Variants in ZNF674 observed in about 807,000 individuals in gnomAD.
The protein encoded by ZNF674 is zinc finger protein 674.
Under a neutral mutation model 7.0 loss-of-function variants are expected in ZNF674, and 2 were observed. The observed-to-expected ratio is 0.29, with a 90% CI of 0.12 to 0.90. The LOEUF (loss-of-function observed/expected upper bound fraction) is 0.90. ZNF674 is among the 40% of genes least tolerant of loss of function. ZNF674 has a pLI of 0.57. For missense variants in ZNF674, 297 were observed against 415.5 expected (o/e 0.71, Z 2.48); for synonymous variants, 103 against 145.2 (o/e 0.71, Z 2.09).
At chrX:46,536,959 G>C (rs917575051) in intron 3 of ZNF674, among the ~76,000 whole-genome samples, 1 of 111,364 alleles carries the variant, frequency 9.0e-6, no homozygotes, top group Non-Finnish European at 1.9e-5. Flanking sequence ...CTATACTCTG[G>C]AACTGTCATG....
intron 5 of ZNF674, among the ~76,000 whole-genome samples, chrX:46,511,265 C>T (rs779941770): frequency 2.7e-5 from 3 of 111,088 alleles, no homozygotes; most frequent in Non-Finnish European, 3.8e-5. Context: ...CATAGAAGAC[C>T]GAAGAGAATT....
intron 2 of ZNF674, among the ~76,000 whole-genome samples, chrX:46,543,704 A>T (rs1225140514): frequency 1.8e-5 from 2 of 112,321 alleles, no homozygotes; most frequent in African/African-American, 6.5e-5. Context: ...AGAAAGTTCC[A>T]GCAAGGAGAT....
At chrX:46,544,154 T>C (rs1253564795) in intron 2 of ZNF674, among the ~76,000 whole-genome samples, 1 of 112,873 alleles carries the variant, frequency 8.9e-6, no homozygotes, top group African/African-American at 3.2e-5. Context: ...CATGCCTCCA[T>C]CCACCTGTGA....
At chrX:46,514,678 G>A (rs1941728787) in intron 5 of ZNF674, among the ~76,000 whole-genome samples, 1 of 112,273 alleles carries the variant, frequency 8.9e-6, no homozygotes, top group Admixed American at 9.5e-5. Flanking sequence ...GAGGGCATCA[G>A]TATTAGATTA....
intron 5 of ZNF674, chrX:46,517,837 A>G (rs753377701): frequency 9.0e-6 from 1 of 111,684 alleles, no homozygotes; most frequent in South Asian, 3.7e-4. Context: ...TGTAAGGATG[A>G]CGTGCAAATT....
Position 46,499,977 on chromosome X carries a change from A to C in ZNF674, c.1597T>G (p.Ser533Ala). The C allele has an allele frequency of 8.3e-7, 1 of 1,206,816 alleles. No individual in the cohort carries two copies. The highest frequency in any genetic ancestry group is 3.0e-5 in the East Asian group (1 of 33,699). ...GTTCTGTGATGCACAATGAGAGTTG[A>C]TTTCACACTGAAGGCCTTCCCACAT... is the stretch of plus-strand genomic sequence containing the variant. ...SECGKAFSVK[S>A]TLIVHHRTHT... Residue 533 changes from serine to alanine, a missense_variant, in exon 6 of 6, where the codon TCA becomes GCA. Coordinates refer to ENST00000683375, the MANE Select transcript of ZNF674 (RefSeq NM_001190417.2).
intron 3 of ZNF674, among the ~76,000 whole-genome samples, chrX:46,541,115 A>G (rs1942287636): frequency 9.4e-6 from 1 of 106,829 alleles, no homozygotes. Flanking sequence ...TAATCCCAGC[A>G]CTTTGGGAGG....
intron 5 of ZNF674, among the ~76,000 whole-genome samples, chrX:46,504,124 A>C (rs1202920574): frequency 2.7e-5 from 3 of 111,829 alleles, no homozygotes; most frequent in South Asian, 3.7e-4. Flanking sequence ...CTTGTAGTTC[A>C]TACCATAGGG....
chrX:46,512,981 G>A (rs1333654237), intron 5 of ZNF674, among the ~76,000 whole-genome samples: 1 of 110,616 alleles, frequency 9.0e-6, no homozygotes, highest in African/African-American at 3.3e-5. Flanking sequence ...ATATGAACAG[G>A]TGGCTGGGCA....
chrX:46,508,989 C>T (rs1229584023), intron 5 of ZNF674, among the ~76,000 whole-genome samples: 1 of 110,702 alleles, frequency 9.0e-6, no homozygotes, highest in Non-Finnish European at 1.9e-5. Flanking sequence ...TGCCGCATAT[C>T]GACAACTATC....
At chrX:46,509,268 A>G (rs1254837995) in intron 5 of ZNF674, among the ~76,000 whole-genome samples, 1 of 105,690 alleles carries the variant, frequency 9.5e-6, no homozygotes, top group Non-Finnish European at 2.0e-5. Flanking sequence ...CAATGGCAAC[A>G]AAAGCCAAAA....
intron 2 of ZNF674, among the ~76,000 whole-genome samples, chrX:46,544,023 G>A (rs1386289044): frequency 1.0e-3 from 114 of 112,995 alleles, no homozygotes; most frequent in Middle Eastern, 4.6e-3. Flanking sequence ...AAGGAAGCAT[G>A]GGGGTGCACA....
chrX:46,520,855 G>T (rs139432965), intron 5 of ZNF674, among the ~76,000 whole-genome samples: 133 of 111,430 alleles, frequency 1.2e-3, no homozygotes, highest in African/African-American at 4.2e-3. Context: ...TAAATATAAA[G>T]AATCTGTGTT....
chrX:46,527,994 A>C, intron 5 of ZNF674: 1 of 290,924 alleles, frequency 3.4e-6, no homozygotes, highest in South Asian at 6.1e-5. Flanking sequence ...GTAAAAATAC[A>C]TAAGCACAAG....
intron 3 of ZNF674, among the ~76,000 whole-genome samples, chrX:46,533,113 T>G (rs763624990): frequency 6.3e-5 from 7 of 111,507 alleles, no homozygotes; most frequent in African/African-American, 2.3e-4. Flanking sequence ...GTCACAAGAT[T>G]TGGAACTCCC....
At chrX:46,521,438 T>C (rs1941910305) in intron 5 of ZNF674, among the ~76,000 whole-genome samples, 1 of 105,732 alleles carries the variant, frequency 9.5e-6, no homozygotes. Context: ...ATTAGCTAGG[T>C]GTGGTGGTGC....
chrX:46,519,780 C>G, intron 5 of ZNF674, among the ~76,000 whole-genome samples: 1 of 110,951 alleles, frequency 9.0e-6, no homozygotes, highest in African/African-American at 3.3e-5. Context: ...TTACAAAAAC[C>G]TACAGAGAAA....
At chrX:46,521,371 G>T (rs1045693441) in intron 5 of ZNF674, among the ~76,000 whole-genome samples, 23 of 111,241 alleles carry the variant, frequency 2.1e-4, no homozygotes, top group African/African-American at 6.9e-4. Flanking sequence ...GAGCCCAGGA[G>T]TTTGAGACCA....
At position 46,532,564 on chromosome X, in the gene ZNF674, T is replaced by C. The variant is rs1272910548; in HGVS notation, c.16-3655A>G. Among the ~76,000 whole-genome samples the C allele has an allele frequency of 3.6e-5, 4 of 111,451 alleles. No homozygotes were observed. The South Asian group carries it at 1.5e-3, about 42-fold the overall frequency. On this transcript the variant is annotated intron_variant, in intron 3 of 5. Transcript: ENST00000683375. ...ACTAAATAAACCACGCAGTGTCAAG[T>C]TCAAAAAAGAATGATACTGCCTTCA... is the stretch of plus-strand genomic sequence containing the variant.
Sources: gnomAD v4.1 joint callset for allele counts (sites outside exome capture counted in the v4.1 genomes callset) on GRCh38, gnomAD v4.1.1 for gene constraint, MANE v1.5 for transcripts, NCBI Gene and HGNC (gene_info 2026-07-23, HGNC 2026-07-21) for gene names.